The following SORCS2 variants were observed in gnomAD, a reference collection of about 807,000 sequenced individuals.
SORCS2 encodes the protein VPS10 domain-containing receptor SorCS2.
A neutral mutation model predicts 141.6 loss-of-function variants in SORCS2; 100 were observed. That is an observed-to-expected ratio of 0.71 (90% CI 0.60 to 0.83). SORCS2 has a LOEUF of 0.83. SORCS2 is among the 40% of genes least tolerant of loss of function. The pLI is 0.00. For synonymous variants in SORCS2, 789 were observed against 676.9 expected (o/e 1.17, Z -2.57); for missense variants, 1,646 against 1,560.2 (o/e 1.05, Z -0.93).
chr4:7,642,978 G>C (rs953614499), intron 4 of SORCS2, among the ~76,000 whole-genome samples: 1 of 152,184 alleles, frequency 6.6e-6, no homozygotes, highest in Non-Finnish European at 1.5e-5. Flanking sequence ...AGTCAATGGA[G>C]TGGACACAAT....
At chr4:7,438,069 A>G (rs559457944) in intron 2 of SORCS2, among the ~76,000 whole-genome samples, 1 of 152,326 alleles carries the variant, frequency 6.6e-6, no homozygotes, top group Admixed American at 6.5e-5. Flanking sequence ...TGTGGATACA[A>G]TACTAGAATT....
chr4:7,481,552 G>A (rs1329170023), intron 2 of SORCS2, among the ~76,000 whole-genome samples: 1 of 152,174 alleles, frequency 6.6e-6, no homozygotes, highest in Non-Finnish European at 1.5e-5. Context: ...GGAGCCGAGA[G>A]GGATGGTCCT....
At chr4:7,346,397 A>T (rs75412568) in intron 1 of SORCS2, among the ~76,000 whole-genome samples, 2,615 of 152,304 alleles carry the variant, frequency 0.017, 108 homozygotes, top group East Asian at 0.15. Context: ...ATGATCAGAG[A>T]ACATACTTAG....
chr4:7,295,204 G>A (rs1244353442), intron 1 of SORCS2, among the ~76,000 whole-genome samples: 1 of 23,742 alleles, frequency 4.2e-5, no homozygotes, highest in Non-Finnish European at 7.5e-5. Context: ...TTCTTCCCCC[G>A]GCTCCTCCTC....
intron 2 of SORCS2, among the ~76,000 whole-genome samples, chr4:7,481,993 G>A (rs1730671952): frequency 5.4e-5 from 5 of 93,298 alleles, no homozygotes; most frequent in Non-Finnish European, 1.1e-4. Flanking sequence ...TCCCCACTGC[G>A]GACACCCCTG....
chr4:7,654,267 C>T (rs984810945), intron 5 of SORCS2, 60 bp downstream of exon 5: 5 of 1,524,144 alleles, frequency 3.3e-6, no homozygotes, highest in African/African-American at 1.4e-5. Flanking sequence ...GAGCACTTCC[C>T]CCAAACCCTT....
chr4:7,225,775 C>G (rs1728956923), intron 1 of SORCS2, among the ~76,000 whole-genome samples: 2 of 152,214 alleles, frequency 1.3e-5, no homozygotes, highest in Admixed American at 1.3e-4. Context: ...TGTGGTGGTT[C>G]TCTGCTGTGG....
intron 3 of SORCS2, among the ~76,000 whole-genome samples, chr4:7,570,708 A>G (rs1577769575): frequency 6.6e-6 from 1 of 151,720 alleles, no homozygotes; most frequent in African/African-American, 2.4e-5. Flanking sequence ...TCCCTGCCAG[A>G]CCCCATCTGC....
intron 1 of SORCS2, among the ~76,000 whole-genome samples, chr4:7,383,599 G>A (rs1420355246): frequency 3.3e-5 from 5 of 152,186 alleles, no homozygotes; most frequent in Admixed American, 1.3e-4. Context: ...AGATACCCGG[G>A]CACTTTTTAT....
intron 1 of SORCS2, among the ~76,000 whole-genome samples, chr4:7,234,854 C>T (rs956090057): frequency 7.9e-5 from 12 of 152,272 alleles, no homozygotes; most frequent in African/African-American, 1.7e-4. Context: ...AGCCTGTCCA[C>T]GGCTGCTGCA....
At chr4:7,730,651 G>A (rs760688234) in intron 23 of SORCS2, among the ~76,000 whole-genome samples, 23 of 152,296 alleles carry the variant, frequency 1.5e-4, no homozygotes, top group Non-Finnish European at 2.6e-4. Flanking sequence ...ACCACGTAGC[G>A]TACAATTCCA....
chr4:7,396,133 G>T (rs1577496831), intron 1 of SORCS2, 155 bp from the exon 2 acceptor site: 1 of 621,206 alleles, frequency 1.6e-6, no homozygotes, highest in Non-Finnish European at 2.9e-6. Flanking sequence ...ATGTAGGGTG[G>T]CCCAGAGCCT....
chr4:7,193,118 A>G lies in SORCS2; in HGVS notation c.472A>G (p.Asn158Asp). The change falls in exon 1 of 27, where the codon AAC becomes GAC. Residue 158 changes from asparagine (N) to aspartate (D), a missense_variant. Coordinates refer to ENST00000507866, the MANE Select transcript of SORCS2 (RefSeq NM_020777.3). This position sits in a 1 kb window ranked among gnomAD's most constrained non-coding sequence, Gnocchi z 4.8. ...GGCGATGGTGCACTGGACGGGCGAG[A>G]ACAGCAGCGTAAGTGACCTCCACGC... is the stretch of plus-strand genomic sequence containing the variant. ...NQAMVHWTGE[N>D]SSVILILTKY... 1 of 1,541,500 alleles carries G rather than the reference A, an allele frequency of 6.5e-7. No homozygotes were observed. Among genetic ancestry groups the G allele is most frequent in the African/African-American group, 1.4e-5 (1 of 70,516 alleles).
At chr4:7,619,844 C>T (rs578099526) in intron 3 of SORCS2, among the ~76,000 whole-genome samples, 6 of 152,236 alleles carry the variant, frequency 3.9e-5, no homozygotes, top group African/African-American at 1.4e-4. Flanking sequence ...CGTCTGTGCA[C>T]GTGTTCATGC....
At chr4:7,373,281 TG>T (rs1345263147) in intron 1 of SORCS2, among the ~76,000 whole-genome samples, 18 of 151,210 alleles carry the variant, frequency 1.2e-4, no homozygotes, top group African/African-American at 4.4e-4. Context: ...CTAATAAGTG[TG>T]TAGTGACATT....
At chr4:7,592,703 A>G (rs1717000693) in intron 3 of SORCS2, among the ~76,000 whole-genome samples, 1 of 152,216 alleles carries the variant, frequency 6.6e-6, no homozygotes, top group Non-Finnish European at 1.5e-5. Flanking sequence ...AAATAGCATG[A>G]GTGAGACAGA....
At chr4:7,395,659 G>GA (rs1350955977) in intron 1 of SORCS2, among the ~76,000 whole-genome samples, 1 of 8,928 alleles carries the variant, frequency 1.1e-4, no homozygotes, top group Non-Finnish European at 6.6e-4. Context: ...GCGTGGTCAG[G>GA]TGGGCCCCGT....
At chr4:7,206,100 G>A (rs1022824799) in intron 1 of SORCS2, among the ~76,000 whole-genome samples, 1 of 152,102 alleles carries the variant, frequency 6.6e-6, no homozygotes, top group Admixed American at 6.5e-5. Flanking sequence ...ACCATGCGAG[G>A]TAGGACTCGG....
At chr4:7,676,810 T>TCCCTCTCC (rs1723162414) in intron 9 of SORCS2, among the ~76,000 whole-genome samples, 6 of 47,994 alleles carry the variant, frequency 1.3e-4, no homozygotes, top group Non-Finnish European at 1.8e-4. Flanking sequence ...TCTGTCTCTC[T>TCCCTCTCC]CTCTCTCTCT....
Sources: allele counts gnomAD v4.1 joint callset (sites outside exome capture counted in the v4.1 genomes callset), GRCh38; gene constraint gnomAD v4.1.1; non-coding constraint Gnocchi (gnomAD v3.1); transcripts MANE v1.5; gene names NCBI Gene and HGNC (gene_info 2026-07-23, HGNC 2026-07-21).